Variants in SLC12A2 observed in about 807,000 individuals in gnomAD.
The protein encoded by SLC12A2 is solute carrier family 12 member 2.
SLC12A2 carries 67 observed loss-of-function variants against 136.3 expected under a neutral mutation model. That is an observed-to-expected ratio of 0.49 (90% confidence interval 0.40 to 0.60). SLC12A2 has a LOEUF of 0.60. SLC12A2 is among the 20% of genes least tolerant of loss of function. The pLI is 0.00. For missense variants in SLC12A2, 1,322 were observed against 1,534.7 expected (o/e 0.86, Z 2.32); for synonymous variants, 619 against 562.9 (o/e 1.10, Z -1.41).
chr5:128,177,039 C>T, intron 20 of SLC12A2, 66 bp from the exon 21 acceptor site: 2 of 993,868 alleles, frequency 2.0e-6, no homozygotes, highest in South Asian at 1.7e-5. Context: ...GCTCTGATTA[C>T]ATTTTTATTA....
chr5:128,149,360 T>C (rs1762625941), intron 12 of SLC12A2, among the ~76,000 whole-genome samples: 1 of 151,826 alleles, frequency 6.6e-6, no homozygotes, highest in South Asian at 2.1e-4. Context: ...GTGATGCTGT[T>C]AGATGTGTAT....
chr5:128,153,867 G>C (rs1026045055), intron 15 of SLC12A2, among the ~76,000 whole-genome samples: 1 of 152,032 alleles, frequency 6.6e-6, no homozygotes, highest in Admixed American at 6.6e-5. Flanking sequence ...CCACACGCAG[G>C]TCTTCAGCTT....
At chr5:128,153,643 T>G (rs1348774673) in intron 15 of SLC12A2, among the ~76,000 whole-genome samples, 4 of 152,194 alleles carry the variant, frequency 2.6e-5, no homozygotes, top group Non-Finnish European at 5.9e-5. Context: ...CCCTCCTTAT[T>G]GGCTTCTGCA....
chr5:128,182,272 G>A (rs1224266704), intron 23 of SLC12A2, among the ~76,000 whole-genome samples: 1 of 152,068 alleles, frequency 6.6e-6, no homozygotes, highest in Non-Finnish European at 1.5e-5. Context: ...CACTTCACCT[G>A]TTCTGTTGTT....
intron 7 of SLC12A2, among the ~76,000 whole-genome samples, chr5:128,137,810 A>G (rs544239640): frequency 1.3e-5 from 2 of 152,232 alleles, no homozygotes; most frequent in Non-Finnish European, 2.9e-5. Context: ...ATTGTCTGAC[A>G]GCCTCAAAAA....
chr5:128,152,809 A>C lies in SLC12A2; in HGVS notation c.2363+4A>C, dbSNP rs1762745874. The C allele has an allele frequency of 6.4e-7, 1 of 1,568,790 alleles. No individual in the cohort carries two copies. The highest frequency in any genetic ancestry group is 8.8e-7 in the Non-Finnish European group (1 of 1,138,632). ...AAGACCACGTGAAAAACTTTAGGTA[A>C]GTGATAAAGAAGGAAACATGGAAGC... On this transcript the variant is annotated splice_donor_region_variant and intron_variant, in intron 15 of 26. Transcript: ENST00000262461.
intron 1 of SLC12A2, chr5:128,110,686 T>C: frequency 7.2e-7 from 1 of 1,386,158 alleles, no homozygotes. Context: ...ATTTTTACAA[T>C]GAGCTCTGCA....
In SLC12A2 at chr5:128,152,662, G is replaced by A. The variant is rs569411663; in HGVS notation, c.2264-44G>A. Reference sequence around the variant, plus strand: ...GCCTCAGATTGGCTATTGATTGGTTGTTATTACTGATGTTAATGCTGCATG... The same window carrying A: ...GCCTCAGATTGGCTATTGATTGGTTATTATTACTGATGTTAATGCTGCATG... On this transcript the variant is annotated intron_variant, in intron 14 of 26. Transcript: ENST00000262461. The A allele has an allele frequency of 1.3e-4, 158 of 1,230,862 alleles. 6 individuals are homozygous for A. The South Asian group carries it at 1.7e-3, about 14-fold the overall frequency. 76.2% of individuals were successfully genotyped at this position (1,230,862 alleles called of 1,614,324 possible). A position where few individuals can be genotyped will look rare whatever the true frequency, so the allele number is the denominator to read the frequency against.
At chr5:128,099,981 A>G (rs187980471) in intron 1 of SLC12A2, among the ~76,000 whole-genome samples, 25 of 152,338 alleles carry the variant, frequency 1.6e-4, no homozygotes, top group Admixed American at 7.2e-4. Context: ...TTGTAAGTAC[A>G]TAAACCGGTA....
At position 128,188,881 on chromosome 5, in the gene SLC12A2, C is replaced by A. The variant is rs1395227220; in HGVS notation, c.*2250C>A. On this transcript the variant is annotated 3_prime_UTR_variant, in exon 27 of 27. Transcript: ENST00000262461. ...TTTAAGATGGATAATAGGGCATGGA[C>A]TGAGTGCTGCTATCTTGAAATGTGC... 6.6e-6 allele frequency: 1 copy of A among 150,436 alleles called. No individual in the cohort carries two copies. The highest frequency in any genetic ancestry group is 1.5e-5 in the Non-Finnish European group (1 of 67,830). The allele number at this position is 150,436 out of a possible 1,614,324, so 9.3% of individuals were successfully genotyped here. A position where few individuals can be genotyped will look rare whatever the true frequency, so the allele number is the denominator to read the frequency against.
intron 24 of SLC12A2, 27 bp downstream of exon 24, chr5:128,182,968 C>A (rs747217549): frequency 1.4e-6 from 2 of 1,423,186 alleles, no homozygotes; most frequent in Non-Finnish European, 2.0e-6. Context: ...ATTTCTGATC[C>A]CTTTATAGAT....
chr5:128,170,183 CCACAGTAAACTTGGGGAGCT>C (rs1442017430), intron 18 of SLC12A2: 1 of 152,142 alleles, frequency 6.6e-6, no homozygotes, highest in Non-Finnish European at 1.5e-5. Flanking sequence ...TTGTTTTAAT[CCACAGTAAACTTGGGGAGCT>C]ATATTCCCTG....
At chr5:128,120,355 C>T (rs1343894484) in intron 4 of SLC12A2, among the ~76,000 whole-genome samples, 1 of 147,174 alleles carries the variant, frequency 6.8e-6, no homozygotes, top group African/African-American at 2.5e-5. Flanking sequence ...CATCCCATTA[C>T]TGGGTATATA....
intron 4 of SLC12A2, among the ~76,000 whole-genome samples, chr5:128,128,748 A>T (rs1430918974): frequency 1.3e-5 from 2 of 151,730 alleles, no homozygotes; most frequent in Non-Finnish European, 2.9e-5. Context: ...TAAGGTGTAT[A>T]CCTAGTCTGT....
chr5:128,088,421 A>C (rs1386762753), intron 1 of SLC12A2, among the ~76,000 whole-genome samples: 2 of 152,244 alleles, frequency 1.3e-5, no homozygotes, highest in Admixed American at 1.3e-4. Context: ...GGAGGGTAAC[A>C]AAGTATTTGA....
intron 1 of SLC12A2, among the ~76,000 whole-genome samples, chr5:128,107,077 T>C (rs1198757811): frequency 6.6e-6 from 1 of 152,232 alleles, no homozygotes; most frequent in East Asian, 1.9e-4. Flanking sequence ...TTGAATTAAC[T>C]GGCAGATTTT....
chr5:128,140,703 C>A (rs1483276949), intron 9 of SLC12A2, among the ~76,000 whole-genome samples: 1 of 150,160 alleles, frequency 6.7e-6, no homozygotes, highest in Non-Finnish European at 1.5e-5. Flanking sequence ...GAACCTTCCC[C>A]CCCCAAAAAA....
Position 128,141,831 on chromosome 5 carries a change from T to C in SLC12A2, c.1623T>C (p.Gly541=). Residue 541 remains glycine (G), a splice_region_variant and synonymous_variant, in exon 10 of 27, where the codon GGT becomes GGC. Coordinates refer to ENST00000262461, the MANE Select transcript of SLC12A2 (RefSeq NM_001046.3). ...LVYVGIAVSV[G]SCVVRDATGN... is the part of the protein sequence containing the mutation. ...TTCTTGTTGTCACTTGTGCTTTAGG[T>C]TCTTGTGTTGTTCGAGATGCCACTG... 6.2e-7 allele frequency: 1 copy of C among 1,612,232 alleles called. No individual in the cohort carries two copies. Among genetic ancestry groups the C allele is most frequent in the South Asian group, 1.1e-5 (1 of 90,780 alleles).
intron 2 of SLC12A2, among the ~76,000 whole-genome samples, chr5:128,113,329 T>C (rs10061367): frequency 0.35 from 52,863 of 151,984 alleles, 11,897 homozygotes; most frequent in African/African-American, 0.64. Context: ...TCCTTTCACA[T>C]TCCCCCCATT....
Sources: allele counts gnomAD v4.1 joint callset (sites outside exome capture counted in the v4.1 genomes callset), GRCh38; gene constraint gnomAD v4.1.1; transcripts MANE v1.5; gene names NCBI Gene and HGNC (gene_info 2026-07-23, HGNC 2026-07-21).